Variants in CA10 observed in about 807,000 individuals in gnomAD.
CA10 encodes carbonic anhydrase 10 (inactive), also known as carbonic anhydrase-related protein 10.
In CA10, 14 loss-of-function variants were observed where a neutral mutation model predicts 44.2. That is an observed-to-expected ratio of 0.32 (90% CI 0.21 to 0.50). CA10 has a LOEUF of 0.50. Ranked by LOEUF, CA10 falls within the 20% of genes least tolerant of loss-of-function variation. The pLI, the probability that CA10 is intolerant of heterozygous loss-of-function variation, is 0.99. For synonymous variants in CA10, 159 were observed against 141.6 expected (o/e 1.12, Z -0.87); for missense variants, 350 against 409.7 (o/e 0.85, Z 1.26).
At chr17:52,063,936 C>CT (rs1987462970) in intron 2 of CA10, among the ~76,000 whole-genome samples, 1 of 152,200 alleles carries the variant, frequency 6.6e-6, no homozygotes, top group African/African-American at 2.4e-5. Flanking sequence ...CTTGAGTAGA[C>CT]TGCCATTTCT....
intron 2 of CA10, among the ~76,000 whole-genome samples, chr17:51,965,404 A>C (rs1420633842): frequency 2.0e-5 from 3 of 151,818 alleles, no homozygotes; most frequent in Non-Finnish European, 4.4e-5. Flanking sequence ...CTAATACTAA[A>C]ACCTGGTAAA....
chr17:52,102,774 CTTT>C (rs1325545928), intron 1 of CA10, among the ~76,000 whole-genome samples: 1 of 152,170 alleles, frequency 6.6e-6, no homozygotes, highest in Non-Finnish European at 1.5e-5. Flanking sequence ...CTCAGTTTAT[CTTT>C]TAACAGTATT....
intron 1 of CA10, among the ~76,000 whole-genome samples, chr17:52,118,826 T>TA (rs1321642857): frequency 6.6e-6 from 1 of 152,212 alleles, no homozygotes; most frequent in Non-Finnish European, 1.5e-5. Flanking sequence ...GAATTTTTTT[T>TA]ATTCACAGGC....
intron 3 of CA10, among the ~76,000 whole-genome samples, chr17:51,776,757 G>C (rs1038585604): frequency 4.5e-4 from 69 of 152,184 alleles, no homozygotes; most frequent in African/African-American, 1.6e-3. Context: ...TAAAATGTCA[G>C]TTGTTTGCAC....
At chr17:51,692,576 T>C (rs935711431) in intron 4 of CA10, among the ~76,000 whole-genome samples, 2 of 152,218 alleles carry the variant, frequency 1.3e-5, no homozygotes, top group Non-Finnish European at 2.9e-5. Context: ...TCCAGTACTA[T>C]GTTGCATAAA....
intron 4 of CA10, among the ~76,000 whole-genome samples, chr17:51,693,341 A>T (rs548783023): frequency 1.3e-5 from 2 of 149,394 alleles, no homozygotes; most frequent in South Asian, 2.1e-4. Context: ...TTTTCTCTTT[A>T]AAAAAAAATA....
At chr17:52,044,728 C>T (rs191167641) in intron 2 of CA10, among the ~76,000 whole-genome samples, 2 of 151,020 alleles carry the variant, frequency 1.3e-5, no homozygotes, top group African/African-American at 4.9e-5. Flanking sequence ...TTAAATACTG[C>T]AGAAGAAAAG....
At chr17:51,747,573 A>C in intron 4 of CA10, 60 bp downstream of exon 4, 3 of 1,409,354 alleles carry the variant, frequency 2.1e-6, no homozygotes, top group Non-Finnish European at 2.9e-6. Flanking sequence ...CTTGGACACA[A>C]ACAGGCACCC....
intron 4 of CA10, among the ~76,000 whole-genome samples, chr17:51,686,725 G>C (rs957645126): frequency 3.3e-5 from 5 of 152,004 alleles, no homozygotes; most frequent in Admixed American, 3.3e-4. Flanking sequence ...AATGTAATAT[G>C]ACCAAATAAA....
At chr17:51,788,386 A>G (rs1431777567) in intron 3 of CA10, among the ~76,000 whole-genome samples, 2 of 152,192 alleles carry the variant, frequency 1.3e-5, no homozygotes, top group Non-Finnish European at 2.9e-5. Flanking sequence ...ACCATTGACA[A>G]TGGTCCAAGT....
chr17:52,131,348 A>G (rs892721196), intron 1 of CA10, among the ~76,000 whole-genome samples: 3 of 152,270 alleles, frequency 2.0e-5, no homozygotes, highest in Admixed American at 6.5e-5. Context: ...TAAAAACATG[A>G]AATTTATATT....
chr17:52,041,321 T>C (rs1352224007), intron 2 of CA10, among the ~76,000 whole-genome samples: 5 of 152,054 alleles, frequency 3.3e-5, no homozygotes, highest in Non-Finnish European at 4.4e-5. Context: ...ACACAAATGA[T>C]ACAATTAGAA....
intron 3 of CA10, among the ~76,000 whole-genome samples, chr17:51,860,267 C>T (rs1265102923): frequency 6.6e-6 from 1 of 152,192 alleles, no homozygotes; most frequent in East Asian, 1.9e-4. Flanking sequence ...TTAGCCCTCC[C>T]TATTTAGAAC....
intron 4 of CA10, among the ~76,000 whole-genome samples, chr17:51,688,309 A>T (rs1263955): frequency 0.9 from 137,516 of 152,298 alleles, 62,335 homozygotes; most frequent in African/African-American, 0.98. Flanking sequence ...TTCCTGAAAC[A>T]GTGAGGTAAT....
chr17:51,642,053 A>G (rs949828252), intron 6 of CA10, among the ~76,000 whole-genome samples: 1 of 152,242 alleles, frequency 6.6e-6, no homozygotes, highest in Non-Finnish European at 1.5e-5. Flanking sequence ...TGAAATGAAA[A>G]AAGGCAATTA....
chr17:52,069,756 T>C (rs983922645), intron 2 of CA10, among the ~76,000 whole-genome samples: 2 of 152,210 alleles, frequency 1.3e-5, no homozygotes, highest in Non-Finnish European at 2.9e-5. Context: ...CTCACCATTG[T>C]TATAGAGCTC....
chr17:51,819,917 C>A (rs12939204), intron 3 of CA10, among the ~76,000 whole-genome samples: 48,485 of 151,962 alleles, frequency 0.32, 9,569 homozygotes, highest in East Asian at 0.54. Flanking sequence ...TCTCTGTCTG[C>A]CTGTTCCTCT....
chr17:51,913,751 G>C lies in CA10; in HGVS notation c.279+17239C>G, dbSNP rs867895644. Among the ~76,000 whole-genome samples, 6 of 152,164 alleles carry C rather than the reference G, an allele frequency of 3.9e-5. No individual in the cohort carries two copies. The Middle Eastern group carries it at 0.017, about 431-fold the overall frequency. The stretch of plus-strand genomic sequence containing the variant: ...GACCCTGGGAGGCTGGGGTAAGCTG[G>C]CAGCAACAGTGTTTGGTGGGGATGC... On this transcript the variant is annotated intron_variant, in intron 3 of 8. Coordinates refer to ENST00000451037, the MANE Select transcript of CA10 (RefSeq NM_020178.5).
At chr17:51,882,234 G>GCTAT (rs60590862) in intron 3 of CA10, among the ~76,000 whole-genome samples, 16,301 of 151,962 alleles carry the variant, frequency 0.11, 2,075 homozygotes, top group African/African-American at 0.31. Flanking sequence ...ATAAAAGATA[G>GCTAT]CTATTTATAT....
Sources: gnomAD v4.1 joint callset for allele counts (sites outside exome capture counted in the v4.1 genomes callset) on GRCh38, gnomAD v4.1.1 for gene constraint, MANE v1.5 for transcripts, NCBI Gene and HGNC (gene_info 2026-07-23, HGNC 2026-07-21) for gene names.